Variants in PTPRE observed in about 807,000 individuals in gnomAD.
PTPRE encodes receptor-type tyrosine-protein phosphatase epsilon.
Under a neutral mutation model 102.0 loss-of-function variants are expected in PTPRE, and 51 were observed. The observed-to-expected ratio is 0.50, with a 90% confidence interval of 0.40 to 0.63. The LOEUF (loss-of-function observed/expected upper bound fraction) is 0.63. Ranked by LOEUF, PTPRE falls within the 30% of genes least tolerant of loss-of-function variation. The probability of loss-of-function intolerance (pLI) is 0.00; values close to 1 mark genes in which losing one functional copy is unlikely to be tolerated. For missense variants in PTPRE, 752 were observed against 915.1 expected (o/e 0.82, Z 2.30); for synonymous variants, 345 against 348.2 (o/e 0.99, Z 0.10).
chr10:128,023,498 T>C (rs1397146511), intron 2 of PTPRE, among the ~76,000 whole-genome samples: 2 of 152,254 alleles, frequency 1.3e-5, no homozygotes, highest in Non-Finnish European at 2.9e-5. Context: ...ATGACTTCCA[T>C]GACAGCATAT....
Position 128,008,706 on chromosome 10 carries a change from A to T in PTPRE, c.-8+26410A>T, listed in dbSNP as rs952168544. On this transcript the variant is annotated intron_variant, in intron 2 of 20. Coordinates refer to ENST00000254667, the MANE Select transcript of PTPRE (RefSeq NM_006504.6). The surrounding 1 kb of genome is among the most constrained non-coding windows in gnomAD (Gnocchi z 4.0). ...CCGGCCAGGACTCAAGGATGTAAGA[A>T]GTAGGAGACGCAGGATCAGGGGCAC... Among the ~76,000 whole-genome samples the T allele has an allele frequency of 6.6e-6, 1 of 152,200 alleles. No homozygotes were observed. The highest frequency in any genetic ancestry group is 1.5e-5 in the Non-Finnish European group (1 of 68,032).
At chr10:127,938,481 A>G (rs926757593) in intron 1 of PTPRE, among the ~76,000 whole-genome samples, 10 of 152,170 alleles carry the variant, frequency 6.6e-5, no homozygotes, top group African/African-American at 1.9e-4. Context: ...TGAGCCTGTG[A>G]TTCCTGCTAC....
At chr10:127,966,545 AC>A (rs1850266767) in intron 1 of PTPRE, among the ~76,000 whole-genome samples, 1 of 152,146 alleles carries the variant, frequency 6.6e-6, no homozygotes, top group African/African-American at 2.4e-5. Context: ...GTGACCAGCC[AC>A]CTACTTAGCC....
At chr10:127,960,220 G>A (rs916578449) in intron 1 of PTPRE, among the ~76,000 whole-genome samples, 2 of 152,134 alleles carry the variant, frequency 1.3e-5, no homozygotes, top group South Asian at 2.1e-4. Flanking sequence ...ACTGAAGGAC[G>A]AGGCTGGCTG....
intron 2 of PTPRE, among the ~76,000 whole-genome samples, chr10:128,031,715 G>T (rs66792934): frequency 0.12 from 17,744 of 152,228 alleles, 1,301 homozygotes; most frequent in East Asian, 0.38. Flanking sequence ...TTCCTTACCT[G>T]GCTCAGGTGT....
intron 7 of PTPRE, 133 bp downstream of exon 7, chr10:128,056,346 G>A: frequency 1.4e-6 from 1 of 708,062 alleles, no homozygotes; most frequent in Non-Finnish European, 2.4e-6. Flanking sequence ...CTCAGCATTT[G>A]CACCTAGGAC....
At chr10:128,052,936 G>T (rs996540271) in intron 6 of PTPRE, among the ~76,000 whole-genome samples, 2 of 152,162 alleles carry the variant, frequency 1.3e-5, no homozygotes, top group Non-Finnish European at 2.9e-5. Flanking sequence ...AAAGGAACGT[G>T]GCTCATGAGT....
intron 7 of PTPRE, among the ~76,000 whole-genome samples, chr10:128,057,814 T>C (rs1056301298): frequency 6.6e-6 from 1 of 152,152 alleles, no homozygotes; most frequent in Non-Finnish European, 1.5e-5. Flanking sequence ...TTGGAGAGGA[T>C]TTGTTGCCAA....
At chr10:127,917,604 C>T (rs945341409) in intron 1 of PTPRE, among the ~76,000 whole-genome samples, 3 of 152,066 alleles carry the variant, frequency 2.0e-5, no homozygotes, top group African/African-American at 7.2e-5. Flanking sequence ...CCCAGGAGGT[C>T]GAGGCTGCCA....
At chr10:127,951,298 A>G (rs1010526742) in intron 1 of PTPRE, among the ~76,000 whole-genome samples, 2 of 152,178 alleles carry the variant, frequency 1.3e-5, no homozygotes, top group African/African-American at 2.4e-5. Flanking sequence ...CCCTCCAGGA[A>G]GGACTCTGGT....
At chr10:128,067,197 C>T (rs1451705463) in intron 11 of PTPRE, among the ~76,000 whole-genome samples, 5 of 150,928 alleles carry the variant, frequency 3.3e-5, no homozygotes, top group African/African-American at 1.2e-4. Flanking sequence ...CATGTGCACA[C>T]ACATACACCC....
chr10:127,940,456 C>T (rs528697223), intron 1 of PTPRE, among the ~76,000 whole-genome samples: 20 of 152,288 alleles, frequency 1.3e-4, no homozygotes, highest in African/African-American at 4.8e-4. Flanking sequence ...CTGCATGCAC[C>T]TCTCATTCAA....
At position 128,028,773 on chromosome 10, in the gene PTPRE, G is replaced by A. The variant is rs1348496117; in HGVS notation, c.-7-12102G>A. Among the ~76,000 whole-genome samples the A allele has an allele frequency of 2.0e-5, 3 of 152,096 alleles. No individual in the cohort carries two copies. Among genetic ancestry groups the A allele is most frequent in the African/African-American group, 7.2e-5 (3 of 41,406 alleles). On this transcript the variant is annotated intron_variant, in intron 2 of 20. Transcript: ENST00000254667. The surrounding 1 kb of genome is among the most constrained non-coding windows in gnomAD (Gnocchi z 4.5). Reference sequence around the variant, plus strand: ...GGAAGAAGCCTCCATCCCTGCGGAGGGCTTGAGACCCTCTGGGATGCGACC... The same window carrying A: ...GGAAGAAGCCTCCATCCCTGCGGAGAGCTTGAGACCCTCTGGGATGCGACC...
chr10:128,049,554 G>A lies in PTPRE; in HGVS notation c.308G>A (p.Ser103Asn), dbSNP rs1156848890. ...EQEQQRVMLLSRSPSGPKKYF... is the reference protein window; with the variant it reads ...EQEQQRVMLLNRSPSGPKKYF... ...GAGCAGCAAAGGGTGATGCTGCTCA[G>A]CAGGTCACCCTCAGGGCCCAAGAAG... The change falls in exon 6 of 21, where the codon AGC (serine) becomes AAC (asparagine). Residue 103 changes from serine (S) to asparagine (N), a missense_variant. By Grantham distance (46) the Ser-to-Asn change is conservative (BLOSUM62 1). This residue lies in a region of PTPRE where 636 missense variants were observed against 824.4 expected (regional missense o/e 0.77). Coordinates refer to ENST00000254667, the MANE Select transcript of PTPRE (RefSeq NM_006504.6). 1.2e-6 allele frequency: 2 copies of A among 1,613,998 alleles called. No individual in the cohort carries two copies. The highest frequency in any genetic ancestry group is 2.2e-5 in the South Asian group (2 of 91,076).
At chr10:127,926,621 A>G (rs1184213365) in intron 1 of PTPRE, among the ~76,000 whole-genome samples, 1 of 151,788 alleles carries the variant, frequency 6.6e-6, no homozygotes, top group African/African-American at 2.4e-5. Flanking sequence ...AGAGGTTTAG[A>G]CTCTGCTCCA....
intron 2 of PTPRE, among the ~76,000 whole-genome samples, chr10:128,007,683 C>T (rs1488481812): frequency 3.4e-4 from 51 of 152,172 alleles, no homozygotes; most frequent in Non-Finnish European, 1.5e-5. Context: ...TGCCGTTTTA[C>T]CAGCTGAGAA....
intron 1 of PTPRE, among the ~76,000 whole-genome samples, chr10:127,979,671 G>A (rs559261082): frequency 6.6e-6 from 1 of 152,148 alleles, no homozygotes; most frequent in Non-Finnish European, 1.5e-5. Flanking sequence ...GTGTATTCTT[G>A]CCTTATTTTT....
intron 1 of PTPRE, among the ~76,000 whole-genome samples, chr10:127,940,435 G>A (rs972274908): frequency 6.6e-6 from 1 of 152,062 alleles, no homozygotes; most frequent in Non-Finnish European, 1.5e-5. Flanking sequence ...CCTGTGCACC[G>A]GGCTGGTCCC....
intron 2 of PTPRE, chr10:127,998,039 T>C (rs1853451580): frequency 6.6e-6 from 1 of 152,176 alleles, no homozygotes; most frequent in Non-Finnish European, 1.5e-5. Context: ...GTGACTGCAA[T>C]GGGAAGCAGT....
Sources: gnomAD v4.1 joint callset for allele counts (sites outside exome capture counted in the v4.1 genomes callset) on GRCh38, gnomAD v4.1.1 for gene constraint, gnomAD v4.1.1 regional missense constraint, Gnocchi (gnomAD v3.1) non-coding constraint, MANE v1.5 for transcripts, NCBI Gene and HGNC (gene_info 2026-07-23, HGNC 2026-07-21) for gene names.